LGMN: variants seen among roughly 807,000 people sequenced by gnomAD.
LGMN encodes the protein asparaginyl endopeptidase.
LGMN carries 36 observed loss-of-function variants against 56.8 expected under a neutral mutation model. The observed-to-expected ratio is 0.63, with a 90% CI of 0.49 to 0.84. The LOEUF (loss-of-function observed/expected upper bound fraction) is 0.84, where lower values mean the gene tolerates loss of function less well. Among genes scored for constraint, LGMN ranks in the 40% least tolerant of loss-of-function variants. The probability of loss-of-function intolerance (pLI) is 0.00; values close to 1 mark genes in which losing one functional copy is unlikely to be tolerated. For synonymous variants in LGMN, 199 were observed against 210.1 expected, an observed-to-expected ratio of 0.95 and a Z score of 0.46; for missense variants, 446 against 556.1, an observed-to-expected ratio of 0.80 and a Z score of 1.99.
At chr14:92,718,206 C>T (rs1656698629) in intron 3 of LGMN, among the ~76,000 whole-genome samples, 1 of 152,098 alleles carries the variant, frequency 6.6e-6, no homozygotes, top group Admixed American at 6.6e-5. Flanking sequence ...GGCTTTAGAC[C>T]CTTTCAAAGC....
chr14:92,740,255 A>G (rs1891488519), intron 1 of LGMN, among the ~76,000 whole-genome samples: 1 of 152,086 alleles, frequency 6.6e-6, no homozygotes, highest in Non-Finnish European at 1.5e-5. Flanking sequence ...TCTCAAAAAA[A>G]GAAAGAAAGA....
In LGMN at chr14:92,714,298, C is replaced by T. The variant is rs530615205; in HGVS notation, c.480+78G>A. ...CCCTGGCAGGACACTAGAAAATACACGCTATGGGTTTAATCTCGACACCTA... is the reference window on the plus strand; with the variant it reads ...CCCTGGCAGGACACTAGAAAATACATGCTATGGGTTTAATCTCGACACCTA... On this transcript the variant is annotated intron_variant, in intron 6 of 13. Coordinates refer to ENST00000334869, the MANE Select transcript of LGMN (RefSeq NM_005606.7). The surrounding 1 kb of genome is among the most constrained non-coding windows in gnomAD (Gnocchi z 5.1). 8 of 1,004,978 alleles carry T rather than the reference C, an allele frequency of 8.0e-6. No individual in the cohort carries two copies. The African/African-American group carries it at 9.6e-5, about 12-fold the overall frequency. The allele number at this position is 1,004,978 out of a possible 1,614,324, so 62.3% of individuals were successfully genotyped here. A position where few individuals can be genotyped will look rare whatever the true frequency, so the allele number is the denominator to read the frequency against.
At chr14:92,733,832 G>A (rs977446685) in intron 1 of LGMN, 2 of 151,972 alleles carry the variant, frequency 1.3e-5, no homozygotes, top group African/African-American at 4.8e-5. Context: ...AATAAAAAAA[G>A]CTACATAAGA....
intron 2 of LGMN, among the ~76,000 whole-genome samples, chr14:92,719,779 T>C (rs1245650774): frequency 4.6e-5 from 7 of 152,236 alleles, no homozygotes; most frequent in Non-Finnish European, 1.0e-4. Context: ...CAGGCTTGCG[T>C]CCTTATCTCA....
intron 1 of LGMN, among the ~76,000 whole-genome samples, chr14:92,734,865 G>C (rs1052923688): frequency 2.1e-4 from 32 of 152,138 alleles, no homozygotes. Context: ...GGCTGGTGGT[G>C]CTCATTCATT....
chr14:92,706,651 G>T lies in LGMN; in HGVS notation c.1023C>A (p.Ala341=). 6.4e-7 allele frequency: 1 copy of T among 1,571,160 alleles called. No homozygotes were observed. Among genetic ancestry groups the T allele is most frequent in the Non-Finnish European group, 8.7e-7 (1 of 1,148,050 alleles). The part of the protein sequence containing the change: ...LTEEIQRHLD[A]RHLIEKSVRK... ...GCACTGACTTCTCAATGAGGTGCCT[G>T]GCCTGGGGAGAAACGCGGCCTGTCA... Residue 341 remains alanine (A), a splice_region_variant and synonymous_variant, in exon 12 of 14, where the codon GCC becomes GCA. Coordinates refer to ENST00000334869, the MANE Select transcript of LGMN (RefSeq NM_005606.7).
intron 1 of LGMN, among the ~76,000 whole-genome samples, chr14:92,739,146 A>T (rs189364550): frequency 7.2e-5 from 11 of 152,344 alleles, no homozygotes; most frequent in Middle Eastern, 3.4e-3. Flanking sequence ...TTGGCAATGA[A>T]CATGCCTCAA....
At chr14:92,713,982 T>C (rs1771376175) in intron 6 of LGMN, 97 bp from the exon 7 acceptor site, 7 of 904,326 alleles carry the variant, frequency 7.7e-6, no homozygotes, top group Admixed American at 3.5e-5. Context: ...TAAACTCTTT[T>C]CTACCAATCC....
chr14:92,707,738 C>G (rs1186001604), intron 11 of LGMN, among the ~76,000 whole-genome samples: 1 of 152,106 alleles, frequency 6.6e-6, no homozygotes, highest in African/African-American at 2.4e-5. Context: ...TTTTCATAAT[C>G]TTTTACTTTA....
chr14:92,721,669 A>G (rs918448778), intron 2 of LGMN, among the ~76,000 whole-genome samples: 3 of 152,176 alleles, frequency 2.0e-5, no homozygotes, highest in African/African-American at 7.2e-5. Context: ...GCAAAACTCT[A>G]TCTCCCACAG....
chr14:92,709,143 T>G (rs1223675435), intron 11 of LGMN, among the ~76,000 whole-genome samples: 1 of 151,774 alleles, frequency 6.6e-6, no homozygotes, highest in Non-Finnish European at 1.5e-5. Context: ...TATGTTTTTC[T>G]GAGAACAGCA....
intron 2 of LGMN, among the ~76,000 whole-genome samples, chr14:92,727,429 CAA>C (rs35889328): frequency 8.3e-5 from 4 of 47,984 alleles, no homozygotes; most frequent in Admixed American, 2.5e-4. Flanking sequence ...GACTGCCTCA[CAA>C]AAAAAAAAAA....
chr14:92,729,471 C>CT (rs1555399692), intron 2 of LGMN, among the ~76,000 whole-genome samples: 1 of 63,544 alleles, frequency 1.6e-5, no homozygotes, highest in Non-Finnish European at 3.7e-5. Flanking sequence ...GATCACGCCC[C>CT]CCCCCCCCGC....
intron 8 of LGMN, 197 bp downstream of exon 8, chr14:92,712,608 T>A: frequency 3.4e-6 from 2 of 591,254 alleles, no homozygotes; most frequent in South Asian, 1.9e-5. Context: ...GAGGCTCACA[T>A]ACAGATTCTT....
chr14:92,735,781 C>G (rs1891273349), intron 1 of LGMN, among the ~76,000 whole-genome samples: 1 of 152,020 alleles, frequency 6.6e-6, no homozygotes, highest in Non-Finnish European at 1.5e-5. Flanking sequence ...CAGTAAGATG[C>G]TCCCAGATTT....
intron 1 of LGMN, among the ~76,000 whole-genome samples, chr14:92,745,160 A>C (rs1161042942): frequency 1.3e-5 from 2 of 152,176 alleles, no homozygotes; most frequent in African/African-American, 4.8e-5. Flanking sequence ...TTAAAAATCC[A>C]AAAATGTCGC....
rs1032867260 is a variant in LGMN, at chr14:92,704,669, G to A, written c.1230C>T (p.Asn410=). 2.5e-6 allele frequency: 4 copies of A among 1,613,570 alleles called. No homozygotes were observed. The highest frequency in any genetic ancestry group is 1.3e-5 in the African/African-American group (1 of 74,908). ...YALRHLYVLV[N]LCEKPYPLHR... ...GAAGCGGATACGGCTTCTCACAAAG[G>A]TTGACCAGCACGTACAAATGTCTCA... Residue 410 remains asparagine (N), a synonymous_variant, in exon 13 of 14, where the codon AAC becomes AAT. Coordinates refer to ENST00000334869, the MANE Select transcript of LGMN (RefSeq NM_005606.7).
intron 1 of LGMN, among the ~76,000 whole-genome samples, chr14:92,733,025 T>TA (rs999653042): frequency 5.3e-5 from 8 of 151,762 alleles, no homozygotes; most frequent in African/African-American, 1.9e-4. Flanking sequence ...AGCACGTACC[T>TA]ATAATCCCAG....
At chr14:92,720,114 G>A (rs1890382072) in intron 2 of LGMN, among the ~76,000 whole-genome samples, 2 of 152,322 alleles carry the variant, frequency 1.3e-5, no homozygotes, top group South Asian at 2.1e-4. Context: ...AGCTTTTGAA[G>A]GCTGAATGGG....
Sources: gnomAD v4.1 joint callset for allele counts (sites outside exome capture counted in the v4.1 genomes callset) on GRCh38, gnomAD v4.1.1 for gene constraint, Gnocchi (gnomAD v3.1) non-coding constraint, MANE v1.5 for transcripts, NCBI Gene and HGNC (gene_info 2026-07-23, HGNC 2026-07-21) for gene names.